The following COL21A1 variants were observed in gnomAD, a reference collection of about 807,000 sequenced individuals.
The protein encoded by COL21A1 is collagen type XXI alpha 1 chain.
A neutral mutation model predicts 137.9 loss-of-function variants in COL21A1; 149 were observed. The observed-to-expected ratio is 1.08, with a 90% CI of 0.95 to 1.24. COL21A1 has a LOEUF of 1.24. Ranked by LOEUF, COL21A1 falls within the 50% of genes most tolerant of loss-of-function variation. COL21A1 has a pLI of 0.00. For missense variants in COL21A1, 1,167 were observed against 1,158.4 expected (o/e 1.01, Z -0.11); for synonymous variants, 456 against 391.5 (o/e 1.16, Z -1.95).
chr6:56,173,873 A>G (rs917508226), intron 3 of COL21A1, among the ~76,000 whole-genome samples: 3 of 152,174 alleles, frequency 2.0e-5, no homozygotes, highest in African/African-American at 7.2e-5. Context: ...ATATTCCACC[A>G]AACAGCAGCA....
chr6:56,115,996 T>C (rs554732256), intron 16 of COL21A1, among the ~76,000 whole-genome samples: 1 of 151,756 alleles, frequency 6.6e-6, no homozygotes, highest in South Asian at 2.1e-4. Flanking sequence ...CAAATAATAA[T>C]AAATGATAGA....
intron 8 of COL21A1, 111 bp from the exon 9 acceptor site, chr6:56,164,617 A>G (rs1776436391): frequency 1.1e-6 from 1 of 917,524 alleles, no homozygotes; most frequent in South Asian, 1.7e-5. Context: ...AATATCTTAC[A>G]TTCACTTTCA....
chr6:56,318,806 T>A (rs1298300663), intron 1 of COL21A1, among the ~76,000 whole-genome samples: 1 of 152,176 alleles, frequency 6.6e-6, no homozygotes, highest in African/African-American at 2.4e-5. Context: ...GAAGTATATG[T>A]CTAGTATTGA....
At chr6:56,255,854 C>A (rs1286223504) in intron 1 of COL21A1, among the ~76,000 whole-genome samples, 2 of 152,192 alleles carry the variant, frequency 1.3e-5, no homozygotes, top group Non-Finnish European at 2.9e-5. Flanking sequence ...CTGCTTCTCA[C>A]CGCAGCCGCT....
At chr6:56,243,607 C>T (rs1388397735) in intron 1 of COL21A1, among the ~76,000 whole-genome samples, 1 of 152,206 alleles carries the variant, frequency 6.6e-6, no homozygotes, top group Non-Finnish European at 1.5e-5. Flanking sequence ...TAAGCACTTA[C>T]TATGAGCCAG....
rs377640438 is a variant in COL21A1 at position 56,189,790 on chromosome 6, C to T, written c.-38-7134G>A. Among the ~76,000 whole-genome samples the T allele has an allele frequency of 6.6e-5, 10 of 152,242 alleles. No homozygotes were observed. The East Asian group carries it at 1.9e-3, about 29-fold the overall frequency. On this transcript the variant is annotated intron_variant, in intron 1 of 29. Transcript: ENST00000244728. ...GATCTCTCAGCAGAAATCCTCAAAG[C>T]CAGAAGAGAGTGGGGGCCAATATTC...
chr6:56,221,528 G>A (rs2328691), intron 1 of COL21A1, among the ~76,000 whole-genome samples: 3,430 of 152,128 alleles, frequency 0.023, 118 homozygotes, highest in African/African-American at 0.079. Context: ...TTTTAAAACA[G>A]TCTGGACGAC....
intron 1 of COL21A1, among the ~76,000 whole-genome samples, chr6:56,186,072 A>T (rs1158286373): frequency 1.3e-5 from 2 of 152,184 alleles, no homozygotes; most frequent in Non-Finnish European, 2.9e-5. Flanking sequence ...TAAATTTTCC[A>T]TTATTCTTTA....
At chr6:56,270,181 C>T (rs945986752) in intron 1 of COL21A1, among the ~76,000 whole-genome samples, 10 of 152,194 alleles carry the variant, frequency 6.6e-5, no homozygotes, top group African/African-American at 2.4e-4. Context: ...ATACTCATCT[C>T]ACATGTAGTG....
At chr6:56,318,437 T>C (rs879399119) in intron 1 of COL21A1, among the ~76,000 whole-genome samples, 1 of 152,054 alleles carries the variant, frequency 6.6e-6, no homozygotes, top group Admixed American at 6.6e-5. Flanking sequence ...CCTTTTCAGA[T>C]TTTTTCTCTC....
intron 17 of COL21A1, among the ~76,000 whole-genome samples, chr6:56,086,407 T>C (rs898463833): frequency 1.3e-5 from 2 of 151,670 alleles, no homozygotes; most frequent in East Asian, 3.9e-4. Context: ...ACCAATAACA[T>C]AAACAGTCAA....
At chr6:56,380,211 C>G (rs901898620) in intron 1 of COL21A1, among the ~76,000 whole-genome samples, 2 of 152,188 alleles carry the variant, frequency 1.3e-5, no homozygotes, top group Non-Finnish European at 2.9e-5. Context: ...GACACAGCAG[C>G]TCCCCTTTCT....
rs566737731 is a variant in COL21A1 at position 56,308,712 on chromosome 6, T to G, written c.-39+85259A>C. 3.7e-5 allele frequency among the ~76,000 whole-genome samples: 5 copies of G among 134,776 alleles called. No individual in the cohort carries two copies. The South Asian group carries it at 1.2e-3, about 32-fold the overall frequency. 88.4% of individuals were successfully genotyped at this position (134,776 alleles called of 152,430 possible). On this transcript the variant is annotated intron_variant, in intron 1 of 28. Transcript: ENST00000370819. ...TGTACATCAAAATTTTTGTAGAGGA[T>G]AGATCTCGTTAAATGTTCTTACTAC...
intron 1 of COL21A1, among the ~76,000 whole-genome samples, chr6:56,326,430 G>A (rs1281446108): frequency 1.3e-5 from 2 of 151,660 alleles, no homozygotes; most frequent in Admixed American, 6.6e-5. Context: ...TCCCCACTTC[G>A]GAAAGTAGCT....
chr6:56,185,375 T>C (rs1191556672), intron 1 of COL21A1, among the ~76,000 whole-genome samples: 2 of 150,602 alleles, frequency 1.3e-5, no homozygotes, highest in Admixed American at 6.6e-5. Context: ...AAAGCACCAC[T>C]ACAGATTGTA....
intron 1 of COL21A1, among the ~76,000 whole-genome samples, chr6:56,267,704 C>T (rs1257820148): frequency 1.3e-5 from 2 of 148,644 alleles, no homozygotes; most frequent in African/African-American, 5.0e-5. Context: ...TTGCAGTGAG[C>T]CAACATCATG....
At chr6:56,384,339 C>T (rs940121531) in intron 1 of COL21A1, among the ~76,000 whole-genome samples, 1 of 152,210 alleles carries the variant, frequency 6.6e-6, no homozygotes, top group African/African-American at 2.4e-5. Flanking sequence ...TTTTCCTTCT[C>T]CCCTTTCATC....
At chr6:56,141,606 C>A (rs1485740683) in intron 12 of COL21A1, among the ~76,000 whole-genome samples, 179 bp downstream of exon 12, 1 of 152,188 alleles carries the variant, frequency 6.6e-6, no homozygotes, top group Non-Finnish European at 1.5e-5. Flanking sequence ...ATGATAACTT[C>A]TTTTATGTAG....
In COL21A1 at chr6:56,166,629, C is replaced by A. The variant is rs60395364; in HGVS notation, c.1278+277G>T. The A allele has an allele frequency of 6.5e-3, 3,055 of 468,222 alleles. 66 individuals carry two copies. The highest frequency in any genetic ancestry group is 0.048 in the African/African-American group (2,463 of 50,852). 29.0% of individuals were successfully genotyped at this position (468,222 alleles called of 1,614,324 possible). ...TTGCGCCACTGCACTCCAGCCTGGG[C>A]GACAAGAGTGAGACTCCAAATCAAA... On this transcript the variant is annotated intron_variant, in intron 7 of 29. Transcript: ENST00000244728.
Sources: gnomAD v4.1 joint callset for allele counts (sites outside exome capture counted in the v4.1 genomes callset) on GRCh38, gnomAD v4.1.1 for gene constraint, MANE v1.5 for transcripts, NCBI Gene and HGNC (gene_info 2026-07-23, HGNC 2026-07-21) for gene names.